Variants in RYR3 observed in about 807,000 individuals in gnomAD.
The protein encoded by RYR3 is ryanodine receptor 3.
RYR3 carries 207 observed loss-of-function variants against 584.3 expected under a neutral mutation model. That is an observed-to-expected ratio of 0.35 (90% CI 0.32 to 0.40). The LOEUF is 0.40. Among genes scored for constraint, RYR3 ranks in the 10% least tolerant of loss-of-function variants. The pLI is 1.00. For missense variants in RYR3, 5,616 were observed against 6,089.2 expected, an observed-to-expected ratio of 0.92 and a Z score of 2.59; for synonymous variants, 2,416 against 2,248.5, an observed-to-expected ratio of 1.07 and a Z score of -2.11.
intron 1 of RYR3, among the ~76,000 whole-genome samples, chr15:33,322,867 A>G (rs1488924742): frequency 6.6e-6 from 1 of 150,730 alleles, no homozygotes; most frequent in Admixed American, 6.6e-5. Flanking sequence ...CAGAATTCAC[A>G]CTCTTGTCTA....
At chr15:33,430,792 G>C (rs1489406040) in intron 1 of RYR3, among the ~76,000 whole-genome samples, 1 of 152,142 alleles carries the variant, frequency 6.6e-6, no homozygotes, top group Non-Finnish European at 1.5e-5. Context: ...AGCTGGCTAG[G>C]TGCCAGGAAT....
intron 42 of RYR3, among the ~76,000 whole-genome samples, chr15:33,701,740 C>G (rs1394137191): frequency 2.0e-5 from 3 of 151,970 alleles, no homozygotes; most frequent in Non-Finnish European, 4.4e-5. Flanking sequence ...GAAAAGGGCA[C>G]CTGAGCCTGA....
At chr15:33,580,263 G>C in intron 13 of RYR3, 119 bp downstream of exon 13, 1 of 834,422 alleles carries the variant, frequency 1.2e-6, no homozygotes, top group Non-Finnish European at 1.8e-6. Context: ...CAGAGGACAA[G>C]AGAGATTTGG....
At chr15:33,359,881 A>G (rs1005271674) in intron 1 of RYR3, among the ~76,000 whole-genome samples, 1 of 151,842 alleles carries the variant, frequency 6.6e-6, no homozygotes, top group African/African-American at 2.4e-5. Flanking sequence ...TCGGTCTCCC[A>G]AAGTGCTGGG....
At chr15:33,739,749 G>A in intron 50 of RYR3, 83 bp from the exon 51 acceptor site, 3 of 1,195,678 alleles carry the variant, frequency 2.5e-6, no homozygotes, top group Non-Finnish European at 3.5e-6. Context: ...TTTTATTTCT[G>A]TTTTCAGCTG....
intron 22 of RYR3, among the ~76,000 whole-genome samples, chr15:33,630,727 T>C (rs1473860920): frequency 6.6e-6 from 1 of 152,254 alleles, no homozygotes; most frequent in African/African-American, 2.4e-5. Flanking sequence ...AGTAAATATT[T>C]GCTGACCTGT....
rs553140613 is a variant in RYR3, at chr15:33,677,854, C to G, written c.5860+7298C>G. ...ATCTAGACACAGCCTGTCCTGAGAG[C>G]CAAGCTCTGTGGGCCAGTATGACTG... On this transcript the variant is annotated intron_variant, in intron 38 of 103. Transcript: ENST00000634891. Among the ~76,000 whole-genome samples the G allele has an allele frequency of 1.3e-3, 205 of 152,282 alleles. 1 individual carries two copies. The highest frequency in any genetic ancestry group is 4.7e-3 in the African/African-American group (196 of 41,564).
At chr15:33,756,456 G>T in intron 59 of RYR3, 83 bp downstream of exon 59, 1 of 1,003,568 alleles carries the variant, frequency 1.0e-6, no homozygotes, top group Non-Finnish European at 1.5e-6. Context: ...ATCCAGTGAA[G>T]ATATCTAAAA....
chr15:33,772,296 A>G (rs1596520360), intron 63 of RYR3, 138 bp downstream of exon 63: 2 of 564,832 alleles, frequency 3.5e-6, no homozygotes, highest in East Asian at 5.9e-5. Context: ...TTAGATTAAA[A>G]AAGAAGAAGA....
intron 16 of RYR3, among the ~76,000 whole-genome samples, chr15:33,589,104 A>T (rs532354050): frequency 6.6e-6 from 1 of 152,234 alleles, no homozygotes; most frequent in East Asian, 1.9e-4. Flanking sequence ...TTTTCTCTGT[A>T]TCCTCACCGA....
intron 1 of RYR3, among the ~76,000 whole-genome samples, chr15:33,316,788 C>T (rs1023111880): frequency 2.6e-5 from 4 of 152,186 alleles, no homozygotes; most frequent in Admixed American, 2.0e-4. Flanking sequence ...ACTAGGAAGT[C>T]GACCTTTCTT....
chr15:33,414,480 C>T (rs2043637899), intron 1 of RYR3, among the ~76,000 whole-genome samples: 1 of 152,156 alleles, frequency 6.6e-6, no homozygotes, highest in South Asian at 2.1e-4. Context: ...AACTCTGGCT[C>T]CCAGACCAAG....
Position 33,742,464 on chromosome 15 carries a change from T to C in RYR3, c.7899+20T>C, listed in dbSNP as rs767117978. The C allele has an allele frequency of 2.6e-6, 4 of 1,528,840 alleles. No individual in the cohort carries two copies. Among genetic ancestry groups the C allele is most frequent in the Admixed American group, 1.7e-5 (1 of 59,880 alleles). 94.7% of individuals were successfully genotyped at this position (1,528,840 alleles called of 1,614,324 possible). On this transcript the variant is annotated intron_variant, in intron 52 of 103. Transcript: ENST00000634891. Reference sequence around the variant, plus strand: ...GACAAGGTAGGGATTATCATCCAACTGACAATCGTCAGGAAGGAAAAACAG... The same window carrying C: ...GACAAGGTAGGGATTATCATCCAACCGACAATCGTCAGGAAGGAAAAACAG...
chr15:33,450,603 C>CTT (rs113136250), intron 1 of RYR3, among the ~76,000 whole-genome samples: 15 of 140,666 alleles, frequency 1.1e-4, no homozygotes, highest in Admixed American at 1.4e-4. Flanking sequence ...TTTGAGGGTT[C>CTT]TTTTTTTTTT....
At chr15:33,736,190 T>A in intron 48 of RYR3, 45 bp from the exon 49 acceptor site, 1 of 1,254,226 alleles carries the variant, frequency 8.0e-7, no homozygotes, top group East Asian at 2.4e-5. Flanking sequence ...CCTTTATTAT[T>A]ATGTTTTCAT....
At chr15:33,411,313 T>G (rs931492066) in intron 1 of RYR3, among the ~76,000 whole-genome samples, 2 of 152,230 alleles carry the variant, frequency 1.3e-5, no homozygotes, top group Non-Finnish European at 2.9e-5. Context: ...CCCTCAGCCA[T>G]CACTGACGTC....
At chr15:33,501,307 C>T (rs2051965133) in intron 2 of RYR3, among the ~76,000 whole-genome samples, 1 of 149,796 alleles carries the variant, frequency 6.7e-6, no homozygotes, top group Non-Finnish European at 1.5e-5. Flanking sequence ...GCTCCTGTCT[C>T]CTGTCTCAAA....
chr15:33,688,068 CT>C (rs2152750839), intron 38 of RYR3, among the ~76,000 whole-genome samples: 1 of 152,252 alleles, frequency 6.6e-6, no homozygotes, highest in East Asian at 1.9e-4. Flanking sequence ...CAAATGGGAT[CT>C]AATTAAACTC....
In RYR3 at chr15:33,834,887, A is replaced by C. The variant is rs930276481; in HGVS notation, c.11464-81A>C. 5 of 925,136 alleles carry C rather than the reference A, an allele frequency of 5.4e-6. No individual in the cohort carries two copies. In the East Asian group the frequency reaches 7.5e-5, roughly 14 times the overall value. 57.3% of individuals were successfully genotyped at this position (925,136 alleles called of 1,614,324 possible). On this transcript the variant is annotated intron_variant, in intron 86 of 103. Coordinates refer to ENST00000634891, the MANE Select transcript of RYR3 (RefSeq NM_001036.6). ...GGAAAGTCTATCTGCTCATATAAGT[A>C]GGTATCAGATGCCCTTACTAGACAG...
Sources: gnomAD v4.1 joint callset for allele counts (sites outside exome capture counted in the v4.1 genomes callset) on GRCh38, gnomAD v4.1.1 for gene constraint, MANE v1.5 for transcripts, NCBI Gene and HGNC (gene_info 2026-07-23, HGNC 2026-07-21) for gene names.